The following EP300 variants were observed in gnomAD, a reference collection of about 807,000 sequenced individuals.
EP300 encodes histone acetyltransferase p300.
Under a neutral mutation model 264.0 loss-of-function variants are expected in EP300, and 31 were observed. That is an observed-to-expected ratio of 0.12 (90% CI 0.09 to 0.16). The LOEUF is 0.16. Among genes scored for constraint, EP300 ranks in the 10% least tolerant of loss-of-function variants. The pLI, the probability that EP300 is intolerant of heterozygous loss-of-function variation, is 1.00. For missense variants in EP300, 2,766 were observed against 3,052.9 expected, an observed-to-expected ratio of 0.91 and a Z score of 2.21; for synonymous variants, 1,340 against 1,045.4, an observed-to-expected ratio of 1.28 and a Z score of -5.44.
At chr22:41,132,606 G>T (rs2058926958) in intron 6 of EP300, among the ~76,000 whole-genome samples, 1 of 152,072 alleles carries the variant, frequency 6.6e-6, no homozygotes, top group Non-Finnish European at 1.5e-5. Flanking sequence ...CTTACAGATG[G>T]ACATTGAGAT....
chr22:41,113,878 G>A (rs754469284), intron 1 of EP300, among the ~76,000 whole-genome samples: 1 of 151,960 alleles, frequency 6.6e-6, no homozygotes, highest in Non-Finnish European at 1.5e-5. Context: ...TAGGCCTTTA[G>A]GTTTTGAAAT....
chr22:41,178,088 C>T lies in EP300; in HGVS notation c.6377C>T (p.Ser2126Phe), dbSNP rs2059213520. Reference protein sequence around the residue: ...PTMPGQQGVHSNPAMQNMNPM... With the variant: ...PTMPGQQGVHFNPAMQNMNPM... Reference sequence around the variant, plus strand: ...ATGCCAGGTCAGCAGGGGGTCCACTCCAATCCAGCCATGCAGAACATGAAT... The same window carrying T: ...ATGCCAGGTCAGCAGGGGGTCCACTTCAATCCAGCCATGCAGAACATGAAT... The change falls in exon 31 of 31, where the codon TCC becomes TTC. Residue 2126 changes from serine (S) to phenylalanine (F), a missense_variant. Coordinates refer to ENST00000263253, the MANE Select transcript of EP300 (RefSeq NM_001429.4). 6.2e-7 allele frequency: 1 copy of T among 1,614,124 alleles called. No individual in the cohort carries two copies. Among genetic ancestry groups the T allele is most frequent in the South Asian group, 1.1e-5 (1 of 91,080 alleles).
rs1269909479 is a variant in EP300 at position 41,168,715 on chromosome 22, G to A, written c.4026-6G>A. ...TTGTGGTTCCCCCACCATCTCAATT[G>A]TATAGGTTTGTGGACAGTGGAGAGA... On this transcript the variant is annotated splice_polypyrimidine_tract_variant and splice_region_variant and intron_variant, in intron 24 of 30. Transcript: ENST00000263253. The A allele has an allele frequency of 1.9e-6, 3 of 1,614,206 alleles. No homozygotes were observed. The highest frequency in any genetic ancestry group is 2.2e-5 in the South Asian group (2 of 91,086).
chr22:41,167,800 TTC>T (rs2059147074), intron 23 of EP300, among the ~76,000 whole-genome samples: 1 of 132,386 alleles, frequency 7.6e-6, no homozygotes, highest in African/African-American at 2.8e-5. Context: ...ATTGTTCTAT[TTC>T]TGTTTGTTTT....
chr22:41,142,967 T>G (rs2058991572), intron 10 of EP300, among the ~76,000 whole-genome samples: 2 of 152,128 alleles, frequency 1.3e-5, no homozygotes, highest in Admixed American at 1.3e-4. Context: ...CTGAGCCAAG[T>G]TTAAAGTCTG....
At chr22:41,109,162 A>G (rs1041106768) in intron 1 of EP300, among the ~76,000 whole-genome samples, 10 of 149,440 alleles carry the variant, frequency 6.7e-5, no homozygotes, top group African/African-American at 2.5e-4. Context: ...GCAGCTACTA[A>G]GGAGGATTGC....
intron 29 of EP300, among the ~76,000 whole-genome samples, chr22:41,174,318 C>T (rs2059187792): frequency 6.6e-6 from 1 of 152,098 alleles, no homozygotes; most frequent in Non-Finnish European, 1.5e-5. Flanking sequence ...CACCTGTAAT[C>T]CTTGGGATGC....
Position 41,155,074 on chromosome 22 carries a change from C to T in EP300, c.3222C>T (p.Pro1074=), listed in dbSNP as rs1569109961. The change falls in exon 17 of 31, where the codon CCC becomes CCT. Residue 1074 remains proline (P), a synonymous_variant. Transcript: ENST00000263253. ...ALYRQDPESL[P]FRQPVDPQLL... is the part of the protein sequence containing the mutation. ...ACCGTCAGGATCCAGAATCCCTTCC[C>T]TTTCGTCAACCTGTGGACCCTCAGC... 3.1e-6 allele frequency: 5 copies of T among 1,614,064 alleles called. No individual in the cohort carries two copies. The highest frequency in any genetic ancestry group is 2.2e-5 in the East Asian group (1 of 44,882).
intron 6 of EP300, among the ~76,000 whole-genome samples, chr22:41,134,163 C>CTTTTTTTTTTTTTTTTT (rs11362436): frequency 1.9e-5 from 2 of 105,632 alleles, no homozygotes; most frequent in Non-Finnish European, 3.8e-5. Flanking sequence ...TCATTCTTTT[C>CTTTTTTTTTTTTTTTTT]TTTTTTTTTT....
rs768730452 is a variant in EP300 at position 41,149,199 on chromosome 22, C to A, written c.2379+24C>A. On this transcript the variant is annotated intron_variant, in intron 13 of 30. Coordinates refer to ENST00000263253, the MANE Select transcript of EP300 (RefSeq NM_001429.4). ...AAGTATGTCTCATAAGTGGATTTTT[C>A]ACTTATTTTTGATTCTTGAAACTTC... is the stretch of plus-strand genomic sequence containing the variant. The A allele has an allele frequency of 1.9e-6, 3 of 1,613,854 alleles. No homozygotes were observed. The South Asian group carries it at 3.3e-5, about 18-fold the overall frequency.
Position 41,177,308 on chromosome 22 carries a change from C to T in EP300, c.5597C>T (p.Pro1866Leu), listed in dbSNP as rs763290593. The change falls in exon 31 of 31, where the codon CCG becomes CTG. Residue 1866 changes from proline (P) to leucine (L), a missense_variant. Coordinates refer to ENST00000263253, the MANE Select transcript of EP300 (RefSeq NM_001429.4). ...TTPTGQQPTT[P>L]QTPQPTSQPQ... ...CCAACTGGCCAACAGCCAACCACCC[C>T]GCAGACGCCCCAGCCCACTTCTCAG... 137 of 1,614,074 alleles carry T rather than the reference C, an allele frequency of 8.5e-5. No homozygotes were observed. Among genetic ancestry groups the T allele is most frequent in the Non-Finnish European group, 9.7e-5 (114 of 1,180,016 alleles).
At chr22:41,176,620 T>C in intron 30 of EP300, 92 bp downstream of exon 30, 1 of 1,607,734 alleles carries the variant, frequency 6.2e-7, no homozygotes, top group South Asian at 1.1e-5. Flanking sequence ...GCCTGTGGGA[T>C]GCTAGGGGCT....
intron 28 of EP300, 152 bp downstream of exon 28, chr22:41,172,815 G>A (rs1251873991): frequency 1.2e-6 from 1 of 846,282 alleles, no homozygotes; most frequent in Admixed American, 2.4e-5. Context: ...AGGTTATTAG[G>A]GTTCTGTTTC....
At chr22:41,152,415 C>A (rs949360594) in intron 16 of EP300, 65 bp downstream of exon 16, 1 of 1,557,998 alleles carries the variant, frequency 6.4e-7, no homozygotes, top group Non-Finnish European at 8.7e-7. Flanking sequence ...GGCAGAATTG[C>A]GGTCATGCCT....
chr22:41,171,045 AT>A (rs2059167873), intron 27 of EP300, among the ~76,000 whole-genome samples: 1 of 140,028 alleles, frequency 7.1e-6, no homozygotes, highest in African/African-American at 2.7e-5. Context: ...GATTGCTTTT[AT>A]TTTGTATATT....
chr22:41,110,976 T>A (rs202232066), intron 1 of EP300, among the ~76,000 whole-genome samples: 5 of 137,110 alleles, frequency 3.6e-5, no homozygotes, highest in South Asian at 2.3e-4. Flanking sequence ...TTTTTTTTTT[T>A]AAATTTGAGA....
intron 29 of EP300, chr22:41,174,896 C>T (rs919928324): frequency 1.3e-5 from 2 of 152,094 alleles, no homozygotes; most frequent in Non-Finnish European, 2.9e-5. Flanking sequence ...TCATGGTGAA[C>T]ACCTATATAC....
At chr22:41,165,875 T>TTCTCCTGCCTCAGCC (rs765722364) in intron 22 of EP300, among the ~76,000 whole-genome samples, 8 of 152,208 alleles carry the variant, frequency 5.3e-5, no homozygotes, top group Non-Finnish European at 4.4e-5. Context: ...GTTCAGGCAA[T>TTCTCCTGCCTCAGCC]TCTCCTGCCT....
At chr22:41,156,944 G>A (rs1818826791) in intron 17 of EP300, among the ~76,000 whole-genome samples, 1 of 152,178 alleles carries the variant, frequency 6.6e-6, no homozygotes, top group African/African-American at 2.4e-5. Flanking sequence ...TCAGCCTGAT[G>A]TCTAGAAAGT....
Sources: gnomAD v4.1 joint callset for allele counts (sites outside exome capture counted in the v4.1 genomes callset) on GRCh38, gnomAD v4.1.1 for gene constraint, MANE v1.5 for transcripts, NCBI Gene and HGNC (gene_info 2026-07-23, HGNC 2026-07-21) for gene names.